Variants in YME1L1 observed in about 807,000 individuals in gnomAD.
The protein encoded by YME1L1 is YME1 like 1 ATPase.
Under a neutral mutation model 90.4 loss-of-function variants are expected in YME1L1, and 39 were observed. That is an observed-to-expected ratio of 0.43 (90% CI 0.33 to 0.56). YME1L1 has a LOEUF of 0.56. Ranked by LOEUF, YME1L1 falls within the 20% of genes least tolerant of loss-of-function variation. YME1L1 has a pLI of 0.03. For missense variants in YME1L1, 617 were observed against 868.4 expected, an observed-to-expected ratio of 0.71 and a Z score of 3.64; for synonymous variants, 284 against 287.3, an observed-to-expected ratio of 0.99 and a Z score of 0.12.
At chr10:27,149,755 A>G (rs2057189587) in intron 1 of YME1L1, among the ~76,000 whole-genome samples, 1 of 142,178 alleles carries the variant, frequency 7.0e-6, no homozygotes, top group Non-Finnish European at 1.5e-5. Flanking sequence ...CACAGAATGA[A>G]ATACATCCAA....
intron 2 of YME1L1, among the ~76,000 whole-genome samples, chr10:27,148,209 A>AT (rs1253452430): frequency 6.6e-6 from 1 of 150,858 alleles, no homozygotes; most frequent in African/African-American, 2.4e-5. Context: ...ATATTTATTT[A>AT]TTTATTTATT....
intron 4 of YME1L1, among the ~76,000 whole-genome samples, chr10:27,140,332 C>T (rs1012511549): frequency 6.6e-6 from 1 of 151,816 alleles, no homozygotes; most frequent in Non-Finnish European, 1.5e-5. Context: ...ATATAACGCC[C>T]TCAATGTCAT....
intron 3 of YME1L1, among the ~76,000 whole-genome samples, chr10:27,145,026 A>C (rs1053194501): frequency 5.9e-5 from 9 of 152,186 alleles, no homozygotes. Flanking sequence ...CTGTAGTCCC[A>C]GCTACTTGGG....
intron 13 of YME1L1, 117 bp downstream of exon 13, chr10:27,120,318 A>AC: frequency 1.4e-6 from 1 of 703,882 alleles, no homozygotes; most frequent in Non-Finnish European, 2.3e-6. Flanking sequence ...GGAAAAAAAA[A>AC]AGACAAAAAT....
chr10:27,114,098 C>G (rs1588580187), intron 18 of YME1L1, among the ~76,000 whole-genome samples: 2 of 152,000 alleles, frequency 1.3e-5, no homozygotes, highest in East Asian at 3.9e-4. Flanking sequence ...GATTTTATTT[C>G]AACAGCTTAT....
In YME1L1 at chr10:27,136,518, C is replaced by T. The variant is rs1450179771; in HGVS notation, c.431-133G>A. ...TTTGCCTGACACTTCAATACGTTTT[C>T]CTTTGTTTCCTTCTTTTTTGTAGAG... On this transcript the variant is annotated intron_variant, in intron 4 of 18. Coordinates refer to ENST00000376016, the MANE Select transcript of YME1L1 (RefSeq NM_014263.4). 8 of 704,586 alleles carry T rather than the reference C, an allele frequency of 1.1e-5. No homozygotes were observed. The Admixed American group carries it at 2.3e-4, about 20-fold the overall frequency. The allele number at this position is 704,586 out of a possible 1,614,324, so 43.6% of individuals were successfully genotyped here. A position where few individuals can be genotyped will look rare whatever the true frequency, so the allele number is the denominator to read the frequency against.
chr10:27,132,016 A>G (rs1564462062), intron 7 of YME1L1, 75 bp from the exon 8 acceptor site: 1 of 1,231,888 alleles, frequency 8.1e-7, no homozygotes, highest in Non-Finnish European at 1.1e-6. Flanking sequence ...TAGATGCAAG[A>G]AAGCAAAGCC....
chr10:27,153,143 C>T, intron 1 of YME1L1: 1 of 468,252 alleles, frequency 2.1e-6, no homozygotes, highest in East Asian at 7.0e-5. Context: ...CCTGTGATAC[C>T]TGTTCACTCT....
At chr10:27,117,488 A>C (rs980941363) in intron 15 of YME1L1, 88 bp downstream of exon 15, 1 of 1,393,288 alleles carries the variant, frequency 7.2e-7, no homozygotes, top group Non-Finnish European at 9.9e-7. Context: ...GAATCGTTTG[A>C]ATCCGGAAGG....
intron 9 of YME1L1, among the ~76,000 whole-genome samples, chr10:27,124,930 G>C (rs890485439): frequency 4.6e-5 from 7 of 152,120 alleles, no homozygotes; most frequent in Admixed American, 2.6e-4. Context: ...GCATCAGGAA[G>C]TACATGATGT....
chr10:27,153,083 A>G (rs2057245727), intron 1 of YME1L1: 2 of 422,488 alleles, frequency 4.7e-6, no homozygotes, highest in African/African-American at 2.1e-5. Flanking sequence ...TGTTCCTTCA[A>G]CCTGCTAAAC....
At chr10:27,119,491 G>C in intron 13 of YME1L1, 42 bp from the exon 14 acceptor site, 1 of 1,561,644 alleles carries the variant, frequency 6.4e-7, no homozygotes. Flanking sequence ...GTCTAAAACA[G>C]GTAAAAGAAA....
intron 14 of YME1L1, among the ~76,000 whole-genome samples, chr10:27,118,079 A>G (rs952276622): frequency 2.6e-5 from 4 of 152,326 alleles, no homozygotes; most frequent in African/African-American, 9.6e-5. Flanking sequence ...TCCTGGAACC[A>G]ATCCCCACCC....
intron 6 of YME1L1, 111 bp downstream of exon 6, chr10:27,134,720 T>C: frequency 1.8e-6 from 2 of 1,091,876 alleles, no homozygotes; most frequent in Non-Finnish European, 2.6e-6. Flanking sequence ...ACAAATATAG[T>C]GGAATTTAAT....
At chr10:27,121,821 C>T (rs1254598118) in intron 11 of YME1L1, among the ~76,000 whole-genome samples, 2 of 151,496 alleles carry the variant, frequency 1.3e-5, no homozygotes, top group East Asian at 1.9e-4. Context: ...CTGCAACCTC[C>T]ATCTCCCAGG....
intron 1 of YME1L1, among the ~76,000 whole-genome samples, chr10:27,149,770 T>TAA (rs573322820): frequency 1.9e-3 from 240 of 124,782 alleles, no homozygotes; most frequent in Middle Eastern, 9.3e-3. Flanking sequence ...ATCCAACATT[T>TAA]AAAAAAAAAA....
At chr10:27,145,386 G>A in intron 3 of YME1L1, 42 bp downstream of exon 3, 2 of 1,485,646 alleles carry the variant, frequency 1.3e-6, no homozygotes, top group South Asian at 2.6e-5. Context: ...ATTATTAATA[G>A]TGCTAAAATA....
intron 2 of YME1L1, chr10:27,147,081 T>C (rs1004773039): frequency 6.2e-6 from 2 of 323,406 alleles, no homozygotes; most frequent in Non-Finnish European, 1.1e-5. Flanking sequence ...CTCAAAAAAT[T>C]CAAGGAAAGA....
intron 12 of YME1L1, 119 bp downstream of exon 12, chr10:27,121,267 T>C (rs1465950617): frequency 1.4e-6 from 1 of 727,392 alleles, no homozygotes; most frequent in Non-Finnish European, 2.4e-6. Flanking sequence ...TTGCTTATTC[T>C]GGATATTGCA....
Sources: gnomAD v4.1 joint callset for allele counts (sites outside exome capture counted in the v4.1 genomes callset) on GRCh38, gnomAD v4.1.1 for gene constraint, MANE v1.5 for transcripts, NCBI Gene and HGNC (gene_info 2026-07-23, HGNC 2026-07-21) for gene names.